ALDH5A1: variants seen among roughly 807,000 people sequenced by gnomAD.
The protein encoded by ALDH5A1 is succinate-semialdehyde dehydrogenase, mitochondrial.
ALDH5A1 carries 33 observed loss-of-function variants against 54.7 expected under a neutral mutation model. That is an observed-to-expected ratio of 0.60 (90% CI 0.46 to 0.81). The LOEUF is 0.81. ALDH5A1 is among the 30% of genes least tolerant of loss of function. The pLI is 0.00. For synonymous variants in ALDH5A1, 294 were observed against 292.7 expected (o/e 1.00, Z -0.05); for missense variants, 657 against 711.0 (o/e 0.92, Z 0.86).
At chr6:24,515,754 T>A (rs140792153) in intron 5 of ALDH5A1, among the ~76,000 whole-genome samples, 1 of 152,266 alleles carries the variant, frequency 6.6e-6, no homozygotes, top group Non-Finnish European at 1.5e-5. Flanking sequence ...TAAAGTAATA[T>A]CTGACCATCC....
chr6:24,526,972 G>GTATATATATATATATA (rs1459778389), intron 7 of ALDH5A1, among the ~76,000 whole-genome samples: 2 of 8,344 alleles, frequency 2.4e-4, no homozygotes, highest in African/African-American at 4.8e-4. Context: ...ATATGTGTGT[G>GTATATATATATATATA]TGTATATATA....
intron 4 of ALDH5A1, chr6:24,511,747 T>G (rs1759465345): frequency 2.5e-6 from 1 of 398,372 alleles, no homozygotes; most frequent in Non-Finnish European, 4.4e-6. Flanking sequence ...TTTTTTTTTT[T>G]GTGACTTCCT....
chr6:24,495,316 A>T lies in ALDH5A1; in HGVS notation c.320A>T (p.Glu107Val). Reference protein sequence around the residue: ...EARAAVRAAYEAFCRWREVSA... With the variant: ...EARAAVRAAYVAFCRWREVSA... The stretch of plus-strand genomic sequence containing the variant: ...CGCGCCGCCGTGCGCGCTGCCTACG[A>T]GGCTTTCTGCCGCTGGAGGGAGGTC... The change falls in exon 1 of 10, where the codon GAG becomes GTG. Residue 107 changes from glutamate (E) to valine (V), a missense_variant. Coordinates refer to ENST00000357578, the MANE Select transcript of ALDH5A1 (RefSeq NM_001080.3). The T allele has an allele frequency of 6.5e-7, 1 of 1,533,094 alleles. No homozygotes were observed. Among genetic ancestry groups the T allele is most frequent in the Non-Finnish European group, 8.7e-7 (1 of 1,146,412 alleles). The allele number at this position is 1,533,094 out of a possible 1,614,324, so 95.0% of individuals were successfully genotyped here. A position where few individuals can be genotyped will look rare whatever the true frequency, so the allele number is the denominator to read the frequency against.
chr6:24,514,748 GA>G (rs1312175707), intron 4 of ALDH5A1, among the ~76,000 whole-genome samples: 1 of 151,618 alleles, frequency 6.6e-6, no homozygotes, highest in Non-Finnish European at 1.5e-5. Flanking sequence ...AAGAAAGAAA[GA>G]AACTTATACT....
chr6:24,528,080 C>A lies in ALDH5A1; in HGVS notation c.1257C>A (p.Phe419Leu), dbSNP rs765595608. The A allele has an allele frequency of 1.2e-5, 19 of 1,614,054 alleles. No individual in the cohort carries two copies. Among genetic ancestry groups the A allele is most frequent in the East Asian group, 2.2e-5 (1 of 44,900 alleles). ...AACGACACCAACTTGGAAAAAATTT[C>A]TTTGAGCCTACCCTGCTGTGCAATG... ...GGKRHQLGKNFFEPTLLCNVT... is the reference protein window; with the variant it reads ...GGKRHQLGKNLFEPTLLCNVT... Residue 419 changes from phenylalanine (F) to leucine (L), a missense_variant, in exon 8 of 10, where the codon TTC (phenylalanine) becomes TTA (leucine). Physicochemically the swap from Phe to Leu is conservative, Grantham distance 22. Around this residue, in one of 2 missense-constraint regions of ALDH5A1, gnomAD observed 425 missense variants for 516.4 expected, o/e 0.82. Coordinates refer to ENST00000357578, the MANE Select transcript of ALDH5A1 (RefSeq NM_001080.3).
At chr6:24,529,058 G>A (rs551657405) in intron 8 of ALDH5A1, among the ~76,000 whole-genome samples, 28 of 152,176 alleles carry the variant, frequency 1.8e-4, no homozygotes, top group African/African-American at 6.5e-4. Context: ...TTTCTGTGTC[G>A]TTTTGTGGTC....
In ALDH5A1 at chr6:24,537,091, T is replaced by G. The variant is rs1300566732; in HGVS notation, c.*3379T>G. 6.5e-6 allele frequency: 1 copy of G among 152,672 alleles called. No individual in the cohort carries two copies. The highest frequency in any genetic ancestry group is 1.5e-5 in the Non-Finnish European group (1 of 68,048). 9.5% of individuals were successfully genotyped at this position (152,672 alleles called of 1,614,324 possible). ...TAAGAAATTTATAAAGTTTTGCTTT[T>G]AAAACGTGGACATAACTCATTTTTC... On this transcript the variant is annotated 3_prime_UTR_variant, in exon 10 of 10. Transcript: ENST00000357578.
chr6:24,537,096 C>T lies in ALDH5A1; in HGVS notation c.*3384C>T, dbSNP rs567048552. ...AATTTATAAAGTTTTGCTTTTAAAA[C>T]GTGGACATAACTCATTTTTCTAGTT... On this transcript the variant is annotated 3_prime_UTR_variant, in exon 10 of 10. Coordinates refer to ENST00000357578, the MANE Select transcript of ALDH5A1 (RefSeq NM_001080.3). The T allele has an allele frequency of 4.6e-5, 7 of 152,508 alleles. No individual in the cohort carries two copies. Among genetic ancestry groups the T allele is most frequent in the African/African-American group, 1.4e-4 (6 of 41,404 alleles). The allele number at this position is 152,508 out of a possible 1,614,324, so 9.4% of individuals were successfully genotyped here. A position where few individuals can be genotyped will look rare whatever the true frequency, so the allele number is the denominator to read the frequency against.
rs1385789666 is a variant in ALDH5A1, at chr6:24,495,460, G to A, written c.354+110G>A. On this transcript the variant is annotated intron_variant, in intron 1 of 9. Coordinates refer to ENST00000357578, the MANE Select transcript of ALDH5A1 (RefSeq NM_001080.3). ...CCGCGTCGCCTCCCTCCTGTGCTCA[G>A]TTCCCCAGGGTATACAAAGTGGAAA... 1.8e-5 allele frequency: 19 copies of A among 1,046,678 alleles called. 1 individual carries two copies. The highest frequency in any genetic ancestry group is 2.6e-5 in the Non-Finnish European group (19 of 735,796). 64.8% of individuals were successfully genotyped at this position (1,046,678 alleles called of 1,614,324 possible). A position where few individuals can be genotyped will look rare whatever the true frequency, so the allele number is the denominator to read the frequency against.
chr6:24,527,432 C>T (rs578133927), intron 7 of ALDH5A1, among the ~76,000 whole-genome samples: 30 of 152,042 alleles, frequency 2.0e-4, no homozygotes, highest in East Asian at 1.2e-3. Context: ...ATTAGCCGGG[C>T]GCGGTGGTGG....
intron 7 of ALDH5A1, 99 bp downstream of exon 7, chr6:24,523,024 A>T: frequency 1.7e-4 from 65 of 374,028 alleles, no homozygotes; most frequent in Non-Finnish European, 2.7e-4. Flanking sequence ...GGGGATAGAG[A>T]GGGGTGGGTT....
In ALDH5A1 at chr6:24,536,289, ATGAT is replaced by A. The variant is rs1274854491; in HGVS notation, c.*2580_*2583del. ...CTAAGAATGGTTTATATGTTTTCAA[ATGAT>A]TGGGCAGAAAATCAAAAGAAGAACA... On this transcript the variant is annotated 3_prime_UTR_variant, in exon 10 of 10. Transcript: ENST00000357578. The A allele has an allele frequency of 6.6e-6, 1 of 152,336 alleles. No homozygotes were observed. Among genetic ancestry groups the A allele is most frequent in the Admixed American group, 6.5e-5 (1 of 15,300 alleles). 9.4% of individuals were successfully genotyped at this position (152,336 alleles called of 1,614,324 possible). A position where few individuals can be genotyped will look rare whatever the true frequency, so the allele number is the denominator to read the frequency against.
In ALDH5A1 at chr6:24,537,026, A is replaced by C. The variant is rs980493082; in HGVS notation, c.*3314A>C. The stretch of plus-strand genomic sequence containing the variant: ...ATAATATGTATGTTGTCATTGTTTC[A>C]TGCTATACTTTGTGGGATAAAACTT... On this transcript the variant is annotated 3_prime_UTR_variant, in exon 10 of 10. Coordinates refer to ENST00000357578, the MANE Select transcript of ALDH5A1 (RefSeq NM_001080.3). The C allele has an allele frequency of 4.6e-5, 7 of 152,648 alleles. No individual in the cohort carries two copies. The highest frequency in any genetic ancestry group is 1.0e-4 in the Non-Finnish European group (7 of 68,048). The allele number at this position is 152,648 out of a possible 1,614,324, so 9.5% of individuals were successfully genotyped here.
At chr6:24,523,985 G>GTTTTT (rs36023125) in intron 7 of ALDH5A1, among the ~76,000 whole-genome samples, 5 of 113,398 alleles carry the variant, frequency 4.4e-5, no homozygotes, top group Non-Finnish European at 3.7e-5. Context: ...AGTTTTTTGT[G>GTTTTT]TTTTTTTTTT....
In ALDH5A1 at chr6:24,531,478, A is replaced by G. The variant is rs750119495; in HGVS notation, c.1344-641A>G. ...CCCTTTGCAAGCCCTGCAGAGAGACAGCTGGTTCCAACTGCTGGTAGATCT... is the reference window on the plus strand; with the variant it reads ...CCCTTTGCAAGCCCTGCAGAGAGACGGCTGGTTCCAACTGCTGGTAGATCT... On this transcript the variant is annotated intron_variant, in intron 8 of 9. Transcript: ENST00000357578. Among the ~76,000 whole-genome samples the G allele has an allele frequency of 1.8e-4, 27 of 152,360 alleles. 1 individual carries two copies. The highest frequency in any genetic ancestry group is 6.8e-3 in the Middle Eastern group (2 of 294).
At chr6:24,525,117 T>A (rs1416841415) in intron 7 of ALDH5A1, among the ~76,000 whole-genome samples, 1 of 152,228 alleles carries the variant, frequency 6.6e-6, no homozygotes, top group Non-Finnish European at 1.5e-5. Context: ...GGCTTTAGTG[T>A]ACATACTGTC....
Position 24,495,252 on chromosome 6 carries a change from G to C in ALDH5A1, c.256G>C (p.Ala86Pro), listed in dbSNP as rs1371742454. Residue 86 changes from alanine (A) to proline (P), a missense_variant, in exon 1 of 10, where the codon GCT (alanine) becomes CCT (proline). By Grantham distance (27) the Ala-to-Pro change is conservative. This residue lies in a region of ALDH5A1 where 232 missense variants were observed against 194.6 expected (regional missense o/e 1.19). Coordinates refer to ENST00000357578, the MANE Select transcript of ALDH5A1 (RefSeq NM_001080.3). ...CGTGCAAGACCCGGCCAGCGGCGCC[G>C]CTCTGGGCATGGTAGCCGACTGCGG... Reference protein sequence around the residue: ...FPVQDPASGAALGMVADCGVR... With the variant: ...FPVQDPASGAPLGMVADCGVR... 6 of 1,528,822 alleles carry C rather than the reference G, an allele frequency of 3.9e-6. No homozygotes were observed. The highest frequency in any genetic ancestry group is 1.4e-5 in the African/African-American group (1 of 71,974). 94.7% of individuals were successfully genotyped at this position (1,528,822 alleles called of 1,614,324 possible).
chr6:24,496,263 C>T (rs780646070), intron 1 of ALDH5A1, among the ~76,000 whole-genome samples: 6 of 152,156 alleles, frequency 3.9e-5, no homozygotes, highest in Non-Finnish European at 7.4e-5. Flanking sequence ...CCTTATGGAG[C>T]TCACATGGGG....
rs1760025093 is a variant in ALDH5A1 at position 24,535,343 on chromosome 6, A to G, written c.*1631A>G. The G allele has an allele frequency of 3.3e-5, 5 of 152,230 alleles. No individual in the cohort carries two copies. Among genetic ancestry groups the G allele is most frequent in the African/African-American group, 1.2e-4 (5 of 41,458 alleles). 9.4% of individuals were successfully genotyped at this position (152,230 alleles called of 1,614,324 possible). A position where few individuals can be genotyped will look rare whatever the true frequency, so the allele number is the denominator to read the frequency against. ...TACTAGCCACATTCCCAAGGTCCCAAGGAGAAGGAAGAGCTGAAATTCATC... is the reference window on the plus strand; with the variant it reads ...TACTAGCCACATTCCCAAGGTCCCAGGGAGAAGGAAGAGCTGAAATTCATC... On this transcript the variant is annotated 3_prime_UTR_variant, in exon 10 of 10. Transcript: ENST00000357578.
Sources: gnomAD v4.1 joint callset for allele counts (sites outside exome capture counted in the v4.1 genomes callset) on GRCh38, gnomAD v4.1.1 for gene constraint, gnomAD v4.1.1 regional missense constraint, MANE v1.5 for transcripts, NCBI Gene and HGNC (gene_info 2026-07-23, HGNC 2026-07-21) for gene names.